The following CD6 variants were observed in gnomAD, a reference collection of about 807,000 sequenced individuals.
CD6 encodes T-cell differentiation antigen CD6.
In CD6, 53 loss-of-function variants were observed where a neutral mutation model predicts 75.3. The observed-to-expected ratio is 0.70, with a 90% confidence interval of 0.56 to 0.88. The LOEUF is 0.88. Ranked by LOEUF, CD6 falls within the 40% of genes least tolerant of loss-of-function variation. The pLI is 0.00. For missense variants in CD6, 770 were observed against 897.1 expected, an observed-to-expected ratio of 0.86 and a Z score of 1.81; for synonymous variants, 359 against 381.5, an observed-to-expected ratio of 0.94 and a Z score of 0.69.
At chr11:60,986,525 C>G (rs11820383) in intron 1 of CD6, among the ~76,000 whole-genome samples, 3,885 of 152,290 alleles carry the variant, frequency 0.026, 153 homozygotes, top group African/African-American at 0.087. Context: ...CTGAAGATCT[C>G]TATGGAACTT....
chr11:60,980,855 T>C (rs1463193232), intron 1 of CD6, among the ~76,000 whole-genome samples: 2 of 151,886 alleles, frequency 1.3e-5, no homozygotes, highest in African/African-American at 2.4e-5. Flanking sequence ...AATTAATTAA[T>C]TAATTAAATT....
chr11:61,007,398 G>A lies in CD6; in HGVS notation c.119-162G>A, dbSNP rs1858912863. 6.6e-6 allele frequency among the ~76,000 whole-genome samples: 1 copy of A among 152,220 alleles called. No homozygotes were observed. The highest frequency in any genetic ancestry group is 1.5e-5 in the Non-Finnish European group (1 of 68,036). On this transcript the variant is annotated intron_variant, in intron 2 of 12. Transcript: ENST00000313421. This position sits in a 1 kb window ranked among gnomAD's most constrained non-coding sequence, Gnocchi z 4.2. ...ACCACAGGGTCAGGCCTCAAGGTGG[G>A]CTCAGGGATGAGCCAGCCCGGCTCC...
At chr11:60,972,056 A>C in intron 1 of CD6, 142 bp downstream of exon 1, 1 of 852,532 alleles carries the variant, frequency 1.2e-6, no homozygotes, top group Non-Finnish European at 1.9e-6. Flanking sequence ...AGGGAGGTCC[A>C]GCATCTGGGG....
chr11:61,006,163 T>C lies in CD6; in HGVS notation c.50-411T>C, dbSNP rs1270856108. On this transcript the variant is annotated intron_variant, in intron 1 of 12. Coordinates refer to ENST00000313421, the MANE Select transcript of CD6 (RefSeq NM_006725.5). ...CACTCCCACTTTCGAGCTTTTTCTA[T>C]ATGTCAAGTATTTCATAGGCTGTCT... Among the ~76,000 whole-genome samples the C allele has an allele frequency of 2.0e-5, 3 of 152,214 alleles. 1 individual carries two copies. Among genetic ancestry groups the C allele is most frequent in the Non-Finnish European group, 4.4e-5 (3 of 68,032 alleles).
At chr11:61,006,883 A>C (rs898729784) in intron 2 of CD6, among the ~76,000 whole-genome samples, 2 of 152,062 alleles carry the variant, frequency 1.3e-5, no homozygotes, top group Admixed American at 1.3e-4. Context: ...GGAGCATTTT[A>C]AGGGGATTTG....
intron 1 of CD6, among the ~76,000 whole-genome samples, chr11:60,993,088 C>G (rs764152032): frequency 1.2e-4 from 18 of 152,254 alleles, no homozygotes; most frequent in Middle Eastern, 3.4e-3. Flanking sequence ...GGAAAGAAGG[C>G]ACGGTCTGGC....
Position 61,013,913 on chromosome 11 carries a change from C to T in CD6, c.1292-6C>T, listed in dbSNP as rs1324686957. ...ACTTGTAGAATTTCTGCCTCCCCTC[C>T]CTCAGCCCTCCCCGTAATGGTGAAC... On this transcript the variant is annotated splice_polypyrimidine_tract_variant and splice_region_variant and intron_variant, in intron 7 of 12. Transcript: ENST00000313421. 1.9e-6 allele frequency: 3 copies of T among 1,598,688 alleles called. No homozygotes were observed. Among genetic ancestry groups the T allele is most frequent in the African/African-American group, 2.7e-5 (2 of 74,458 alleles).
Position 61,019,310 on chromosome 11 carries a change from G to A in CD6, c.1999G>A (p.Ala667Thr), listed in dbSNP as rs145232328. ...TDNDDYDDIS[A>T]A ...CAACGATGACTACGATGACATCAGC[G>A]CAGCCTAGGCCGGGGCCAGCCGAGG... Residue 667 changes from alanine (A) to threonine (T), a missense_variant, in exon 13 of 13, where the codon GCA becomes ACA. Transcript: ENST00000313421. The A allele has an allele frequency of 8.1e-6, 13 of 1,608,118 alleles. No individual in the cohort carries two copies. The highest frequency in any genetic ancestry group is 6.7e-5 in the Admixed American group (4 of 59,976).
At chr11:61,002,529 C>T (rs1167404264) in intron 1 of CD6, among the ~76,000 whole-genome samples, 1 of 152,022 alleles carries the variant, frequency 6.6e-6, no homozygotes, top group East Asian at 1.9e-4. Context: ...TGCACTCCAG[C>T]CTGGGTGACA....
At chr11:61,005,773 A>G (rs1470001166) in intron 1 of CD6, among the ~76,000 whole-genome samples, 2 of 152,136 alleles carry the variant, frequency 1.3e-5, no homozygotes, top group Non-Finnish European at 2.9e-5. Flanking sequence ...CTCTACTAAA[A>G]ATACAAAATT....
intron 1 of CD6, among the ~76,000 whole-genome samples, chr11:60,978,110 T>C (rs1857428181): frequency 6.6e-6 from 1 of 152,162 alleles, no homozygotes; most frequent in African/African-American, 2.4e-5. Context: ...TTCCTCATCA[T>C]GTAATATAGT....
Position 61,013,904 on chromosome 11 carries a change from C to G in CD6, c.1292-15C>G. 1.9e-6 allele frequency: 3 copies of G among 1,569,704 alleles called. No individual in the cohort carries two copies. Among genetic ancestry groups the G allele is most frequent in the South Asian group, 1.2e-5 (1 of 85,934 alleles). Reference sequence around the variant, plus strand: ...AAAAAAATGACTTGTAGAATTTCTGCCTCCCCTCCCTCAGCCCTCCCCGTA... The same window carrying G: ...AAAAAAATGACTTGTAGAATTTCTGGCTCCCCTCCCTCAGCCCTCCCCGTA... On this transcript the variant is annotated splice_polypyrimidine_tract_variant and intron_variant, in intron 7 of 12. Coordinates refer to ENST00000313421, the MANE Select transcript of CD6 (RefSeq NM_006725.5).
chr11:61,010,119 T>G (rs943421709), intron 5 of CD6, among the ~76,000 whole-genome samples: 5 of 152,254 alleles, frequency 3.3e-5, no homozygotes, highest in African/African-American at 1.2e-4. Flanking sequence ...TAAGCAATGG[T>G]TCCTCTTGAC....
intron 1 of CD6, among the ~76,000 whole-genome samples, chr11:60,980,854 A>G (rs551344680): frequency 6.6e-6 from 1 of 152,206 alleles, no homozygotes; most frequent in South Asian, 2.1e-4. Flanking sequence ...TAATTAATTA[A>G]TTAATTAAAT....
chr11:60,983,101 T>C lies in CD6; in HGVS notation c.49+11187T>C, dbSNP rs540978539. ...CCTCCTCTTTGTTTTTTTACTTCAC[T>C]TTTTTTTTTTTTTTGACGGAGTCTC... On this transcript the variant is annotated intron_variant, in intron 1 of 12. Coordinates refer to ENST00000313421, the MANE Select transcript of CD6 (RefSeq NM_006725.5). Among the ~76,000 whole-genome samples, 289 of 135,692 alleles carry C rather than the reference T, an allele frequency of 2.1e-3. 2 individuals are homozygous for C. Among genetic ancestry groups the C allele is most frequent in the African/African-American group, 8.1e-3 (270 of 33,378 alleles). The allele number at this position is 135,692 out of a possible 152,430, so 89.0% of individuals were successfully genotyped here. A position where few individuals can be genotyped will look rare whatever the true frequency, so the allele number is the denominator to read the frequency against.
intron 1 of CD6, among the ~76,000 whole-genome samples, chr11:60,985,838 T>G (rs1418204937): frequency 2.0e-5 from 3 of 152,224 alleles, no homozygotes; most frequent in Non-Finnish European, 4.4e-5. Flanking sequence ...AAAGACTAAG[T>G]AGCAGCACAA....
chr11:60,976,235 G>A (rs996265288), intron 1 of CD6, among the ~76,000 whole-genome samples: 3 of 152,144 alleles, frequency 2.0e-5, no homozygotes, highest in Non-Finnish European at 4.4e-5. Context: ...ATGTGTGCAC[G>A]TTGTTTGGCT....
intron 1 of CD6, among the ~76,000 whole-genome samples, chr11:60,981,600 G>A (rs1857560901): frequency 6.6e-6 from 1 of 152,234 alleles, no homozygotes; most frequent in Non-Finnish European, 1.5e-5. Flanking sequence ...TGTTGGCGGT[G>A]ACATGCTTGG....
chr11:60,991,395 C>T (rs988936457), intron 1 of CD6, among the ~76,000 whole-genome samples: 29 of 152,076 alleles, frequency 1.9e-4, no homozygotes, highest in Admixed American at 9.2e-4. Context: ...TCAGGTGATA[C>T]ACCCGCCTCA....
Sources: gnomAD v4.1 joint callset for allele counts (sites outside exome capture counted in the v4.1 genomes callset) on GRCh38, gnomAD v4.1.1 for gene constraint, Gnocchi (gnomAD v3.1) non-coding constraint, MANE v1.5 for transcripts, NCBI Gene and HGNC (gene_info 2026-07-23, HGNC 2026-07-21) for gene names.